ACTR8: variants seen among roughly 807,000 people sequenced by gnomAD.
The protein encoded by ACTR8 is actin-related protein 8.
In ACTR8, 70 loss-of-function variants were observed where a neutral mutation model predicts 84.3. The observed-to-expected ratio is 0.83, with a 90% CI of 0.68 to 1.01. The LOEUF is 1.01. Ranked by LOEUF, ACTR8 falls within the 50% of genes least tolerant of loss-of-function variation. The probability of loss-of-function intolerance (pLI) is 0.00; values close to 1 mark genes in which losing one functional copy is unlikely to be tolerated. For missense variants in ACTR8, 672 were observed against 775.4 expected, an observed-to-expected ratio of 0.87 and a Z score of 1.58; for synonymous variants, 268 against 275.2, an observed-to-expected ratio of 0.97 and a Z score of 0.26.
intron 1 of ACTR8, among the ~76,000 whole-genome samples, chr3:53,880,969 C>T (rs994497215): frequency 6.6e-6 from 1 of 152,226 alleles, no homozygotes; most frequent in African/African-American, 2.4e-5. Context: ...GTTGTCCTAT[C>T]TCCAAGTGTG....
rs1466323848 is a variant in ACTR8, at chr3:53,867,250, T to C, written c.*1469A>G. The C allele has an allele frequency of 6.6e-6, 1 of 152,222 alleles. No homozygotes were observed. The highest frequency in any genetic ancestry group is 2.4e-5 in the African/African-American group (1 of 41,456). 9.4% of individuals were successfully genotyped at this position (152,222 alleles called of 1,614,324 possible). ...GAAGAACTGTTTAACAGAAATATATTATGTTTTTGCAAACAGGCAGCTGAT... is the reference window on the plus strand; with the variant it reads ...GAAGAACTGTTTAACAGAAATATATCATGTTTTTGCAAACAGGCAGCTGAT... On this transcript the variant is annotated 3_prime_UTR_variant, in exon 13 of 13. Coordinates refer to ENST00000335754, the MANE Select transcript of ACTR8 (RefSeq NM_022899.5).
chr3:53,879,434 C>G (rs1317203750), intron 2 of ACTR8, among the ~76,000 whole-genome samples: 1 of 152,082 alleles, frequency 6.6e-6, no homozygotes, highest in African/African-American at 2.4e-5. Flanking sequence ...AAGAATTTTC[C>G]TGATAATTAC....
At chr3:53,878,083 G>A (rs963405990) in intron 3 of ACTR8, among the ~76,000 whole-genome samples, 1 of 152,160 alleles carries the variant, frequency 6.6e-6, no homozygotes, top group Non-Finnish European at 1.5e-5. Context: ...GAAGAATGTA[G>A]TAAGAACAGT....
chr3:53,865,631 C>T (rs1402631296), downstream of ACTR8: 2 of 224,728 alleles, frequency 8.9e-6, no homozygotes, highest in African/African-American at 4.6e-5. Context: ...TTGCAGTGTA[C>T]CCAGAACTGT....
chr3:53,880,146 T>C (rs2107077152), intron 1 of ACTR8, 37 bp from the exon 2 acceptor site: 1 of 1,585,610 alleles, frequency 6.3e-7, no homozygotes. Context: ...ACTTTGTAAA[T>C]AATATGCAGG....
rs1699932081 is a variant in ACTR8 at position 53,874,145 on chromosome 3, A to G, written c.1065+66T>C. ...AGCCAATGCTGTTACATTTTTAAGTATCTTTTAAATCTCTTAAATTTTTCC... is the reference window on the plus strand; with the variant it reads ...AGCCAATGCTGTTACATTTTTAAGTGTCTTTTAAATCTCTTAAATTTTTCC... On this transcript the variant is annotated intron_variant, in intron 8 of 12. Coordinates refer to ENST00000335754, the MANE Select transcript of ACTR8 (RefSeq NM_022899.5). 2.6e-6 allele frequency: 4 copies of G among 1,517,822 alleles called. No homozygotes were observed. In the Admixed American group the frequency reaches 5.9e-5, roughly 22 times the overall value. 94.0% of individuals were successfully genotyped at this position (1,517,822 alleles called of 1,614,324 possible).
intron 11 of ACTR8, 39 bp downstream of exon 11, chr3:53,871,193 G>C (rs765208723): frequency 1.3e-6 from 2 of 1,594,470 alleles, no homozygotes; most frequent in Admixed American, 1.7e-5. Flanking sequence ...CTGCTATCTT[G>C]TTTCACTGCT....
rs190355758 is a variant in ACTR8 at position 53,867,264 on chromosome 3, C to G, written c.*1455G>C. Reference sequence around the variant, plus strand: ...CAGAAATATATTATGTTTTTGCAAACAGGCAGCTGATCCAAAATTGTGTTG... The same window carrying G: ...CAGAAATATATTATGTTTTTGCAAAGAGGCAGCTGATCCAAAATTGTGTTG... On this transcript the variant is annotated 3_prime_UTR_variant, in exon 13 of 13. Coordinates refer to ENST00000335754, the MANE Select transcript of ACTR8 (RefSeq NM_022899.5). 2.5e-4 allele frequency: 38 copies of G among 152,310 alleles called. No homozygotes were observed. Among genetic ancestry groups the G allele is most frequent in the African/African-American group, 8.7e-4 (36 of 41,568 alleles). 9.4% of individuals were successfully genotyped at this position (152,310 alleles called of 1,614,324 possible).
At chr3:53,866,606 T>C (rs186377437), downstream of ACTR8, among the ~76,000 whole-genome samples, 5 of 151,944 alleles carry the variant, frequency 3.3e-5, no homozygotes, top group Non-Finnish European at 7.4e-5. Context: ...CTCAGCCTCC[T>C]GAGTAGCTGG....
Position 53,874,240 on chromosome 3 carries a change from G to T in ACTR8, c.1036C>A (p.Leu346Ile). The change falls in exon 8 of 13, where the codon CTT (leucine) becomes ATT (isoleucine). Residue 346 changes from leucine to isoleucine, a missense_variant. Leu to Ile is a conservative substitution (Grantham distance 5). Coordinates refer to ENST00000335754, the MANE Select transcript of ACTR8 (RefSeq NM_022899.5). The part of the protein sequence containing the change: ...NKMDCLLLQH[L>I]KETFCHLDQD... ...TCTAAATGACAAAAAGTTTCTTTAA[G>T]GTGTTGCAGAAGAAGACAATCCATT... 1 of 1,613,852 alleles carries T rather than the reference G, an allele frequency of 6.2e-7. No homozygotes were observed. The highest frequency in any genetic ancestry group is 8.5e-7 in the Non-Finnish European group (1 of 1,179,916).
Position 53,882,030 on chromosome 3 carries a change from G to A in ACTR8, c.72C>T (p.Arg24=). 1.9e-6 allele frequency: 3 copies of A among 1,551,830 alleles called. No homozygotes were observed. The highest frequency in any genetic ancestry group is 2.6e-6 in the Non-Finnish European group (3 of 1,146,978). The change falls in exon 1 of 13, where the codon CGC becomes CGT. Residue 24 remains arginine (R), a synonymous_variant. Coordinates refer to ENST00000335754, the MANE Select transcript of ACTR8 (RefSeq NM_022899.5). The part of the protein sequence containing the change: ...EKGGEKEKEQ[R]GVKRPIVPAL... ...CGGGCACGATGGGCCGCTTCACGCC[G>A]CGCTGCTCCTTCTCCTTCTCGCCGC...
At chr3:53,860,258 T>G in the ACTR8 span, 5 of 1,536,382 alleles carry the variant, frequency 3.3e-6, no homozygotes, top group Non-Finnish European at 4.4e-6. Context: ...AAAGACATCC[T>G]AGTAAGGAAA....
chr3:53,876,436 G>A (rs1312064319), intron 6 of ACTR8, among the ~76,000 whole-genome samples, 184 bp downstream of exon 6: 1 of 151,880 alleles, frequency 6.6e-6, no homozygotes, highest in Admixed American at 6.6e-5. Flanking sequence ...GGAGAGTGGC[G>A]TGAACCCGGG....
At chr3:53,877,097 C>T (rs1476140464) in intron 5 of ACTR8, 117 bp downstream of exon 5, 2 of 1,020,350 alleles carry the variant, frequency 2.0e-6, no homozygotes, top group African/African-American at 1.7e-5. Flanking sequence ...AGAATCCTCA[C>T]CCTGAAGGTC....
intron 12 of ACTR8, 31 bp from the exon 13 acceptor site, chr3:53,868,893 A>G (rs1699838990): frequency 6.2e-7 from 1 of 1,609,486 alleles, no homozygotes; most frequent in African/African-American, 1.3e-5. Context: ...TTTCAGCCTA[A>G]TCACATAAGA....
At chr3:53,869,141 C>T (rs1384342180) in intron 12 of ACTR8, among the ~76,000 whole-genome samples, 20 of 152,152 alleles carry the variant, frequency 1.3e-4, no homozygotes, top group East Asian at 3.9e-4. Flanking sequence ...ATTAGCCAGG[C>T]GTGGTGGCAG....
downstream of ACTR8, chr3:53,865,193 A>C (rs747666253): frequency 6.2e-7 from 1 of 1,614,158 alleles, no homozygotes; most frequent in Non-Finnish European, 8.5e-7. Context: ...GTCTGCCCCA[A>C]GTACCACCTC....
intron 3 of ACTR8, 139 bp from the exon 4 acceptor site, chr3:53,877,890 T>C: frequency 1.5e-6 from 1 of 661,060 alleles, no homozygotes; most frequent in African/African-American, 1.8e-5. Context: ...ATTGACTGGC[T>C]GCAAAAGGAT....
At chr3:53,881,416 T>G (rs776642219) in intron 1 of ACTR8, among the ~76,000 whole-genome samples, 2 of 152,226 alleles carry the variant, frequency 1.3e-5, no homozygotes, top group African/African-American at 2.4e-5. Flanking sequence ...GTTAGTTTAG[T>G]TTGGTCTAAT....
Sources: gnomAD v4.1 joint callset for allele counts (sites outside exome capture counted in the v4.1 genomes callset) on GRCh38, gnomAD v4.1.1 for gene constraint, MANE v1.5 for transcripts, NCBI Gene and HGNC (gene_info 2026-07-23, HGNC 2026-07-21) for gene names.